The following RBFOX1 variants were observed in gnomAD, a reference collection of about 807,000 sequenced individuals.
RBFOX1 encodes RNA binding protein fox-1 homolog 1.
RBFOX1 carries 8 observed loss-of-function variants against 57.7 expected under a neutral mutation model. That is an observed-to-expected ratio of 0.14 (90% confidence interval 0.08 to 0.25). The LOEUF (loss-of-function observed/expected upper bound fraction) is 0.25. Among genes scored for constraint, RBFOX1 ranks in the 10% least tolerant of loss-of-function variants. RBFOX1 has a pLI of 1.00. For missense variants in RBFOX1, 611 were observed against 548.5 expected (o/e 1.11, Z -1.14); for synonymous variants, 326 against 222.4 (o/e 1.47, Z -4.15).
chr16:6,190,931 C>G (rs1030792753), intron 1 of RBFOX1, among the ~76,000 whole-genome samples: 3 of 152,018 alleles, frequency 2.0e-5, no homozygotes, highest in Non-Finnish European at 4.4e-5. Flanking sequence ...GACAACACGC[C>G]GGGGGCTCCA....
At chr16:7,532,297 G>A (rs2080295747) in intron 5 of RBFOX1, among the ~76,000 whole-genome samples, 1 of 152,070 alleles carries the variant, frequency 6.6e-6, no homozygotes, top group Admixed American at 6.5e-5. Context: ...TTCATCTGGT[G>A]GCTCCACAAA....
At chr16:7,397,748 C>T (rs1336888929) in intron 4 of RBFOX1, among the ~76,000 whole-genome samples, 1 of 152,136 alleles carries the variant, frequency 6.6e-6, no homozygotes, top group African/African-American at 2.4e-5. Context: ...AGTTTTGGCT[C>T]TTAGAGTTTA....
At chr16:7,443,993 C>G (rs2098789933) in intron 4 of RBFOX1, among the ~76,000 whole-genome samples, 3 of 152,306 alleles carry the variant, frequency 2.0e-5, no homozygotes, top group Non-Finnish European at 4.4e-5. Flanking sequence ...GAAACTTCCA[C>G]TTTGCCTATG....
chr16:6,280,792 C>T (rs1390208141), intron 1 of RBFOX1, among the ~76,000 whole-genome samples: 2 of 152,018 alleles, frequency 1.3e-5, no homozygotes, highest in East Asian at 2.0e-4. Flanking sequence ...CTACACTGAA[C>T]AGGGGCTTGC....
chr16:6,405,248 GT>G (rs1418179182), intron 2 of RBFOX1, among the ~76,000 whole-genome samples: 8 of 152,196 alleles, frequency 5.3e-5, no homozygotes, highest in Non-Finnish European at 8.8e-5. Flanking sequence ...GTTAGAGGGT[GT>G]TTTGAGATGG....
intron 3 of RBFOX1, among the ~76,000 whole-genome samples, chr16:5,856,334 A>G (rs1380569890): frequency 3.7e-5 from 1 of 27,266 alleles, no homozygotes; most frequent in Non-Finnish European, 9.1e-5. Context: ...AAACTGTTAT[A>G]TTATATATAT....
chr16:7,605,709 C>A (rs375104485), intron 9 of RBFOX1, among the ~76,000 whole-genome samples: 2 of 152,152 alleles, frequency 1.3e-5, no homozygotes, highest in African/African-American at 4.8e-5. Flanking sequence ...GTCAAAAATA[C>A]CTTCCTTCAC....
intron 2 of RBFOX1, among the ~76,000 whole-genome samples, chr16:6,566,428 AT>A (rs200042936): frequency 4.1e-4 from 61 of 149,928 alleles, no homozygotes; most frequent in Non-Finnish European, 7.0e-4. Context: ...CCTCCATTTG[AT>A]TTTTTTTTTC....
intron 2 of RBFOX1, among the ~76,000 whole-genome samples, chr16:5,547,791 A>C (rs1195844134): frequency 1.3e-5 from 2 of 152,200 alleles, no homozygotes; most frequent in African/African-American, 4.8e-5. Context: ...GAATTAATGC[A>C]GGAACAGAAA....
chr16:5,488,569 TGATGATGGTGATGATTGAA>T (rs1382096850), intron 2 of RBFOX1, among the ~76,000 whole-genome samples: 5 of 29,680 alleles, frequency 1.7e-4, no homozygotes, highest in African/African-American at 2.9e-4. Flanking sequence ...AGGATTATGG[TGATGATGGTGATGATTGAA>T]GATGATGGTG....
At chr16:5,864,470 C>G (rs1421537334) in intron 3 of RBFOX1, among the ~76,000 whole-genome samples, 1 of 151,624 alleles carries the variant, frequency 6.6e-6, no homozygotes, top group East Asian at 1.9e-4. Context: ...TTTGATGTAT[C>G]TCCTTTGATA....
intron 3 of RBFOX1, among the ~76,000 whole-genome samples, chr16:6,806,584 T>C (rs11866177): frequency 6.6e-6 from 1 of 151,894 alleles, no homozygotes; most frequent in Non-Finnish European, 1.5e-5. Flanking sequence ...CCTGAACTAG[T>C]TCCCAGCAAA....
At chr16:7,416,450 G>A in intron 4 of RBFOX1, among the ~76,000 whole-genome samples, 1 of 152,168 alleles carries the variant, frequency 6.6e-6, no homozygotes. Flanking sequence ...TCTGCTGATT[G>A]TTAGAGGGAG....
chr16:7,412,818 G>A (rs999889190), intron 4 of RBFOX1, among the ~76,000 whole-genome samples: 12 of 152,110 alleles, frequency 7.9e-5, no homozygotes, highest in African/African-American at 2.2e-4. Flanking sequence ...CGAGGCAGGC[G>A]GACTGCGAGG....
intron 4 of RBFOX1, among the ~76,000 whole-genome samples, chr16:7,165,902 C>G (rs1392109594): frequency 6.6e-6 from 1 of 150,442 alleles, no homozygotes; most frequent in Non-Finnish European, 1.5e-5. Flanking sequence ...GATTCTCTGT[C>G]TCTTGCCCCC....
chr16:5,670,594 A>G (rs1424067001), intron 3 of RBFOX1, among the ~76,000 whole-genome samples: 3 of 152,204 alleles, frequency 2.0e-5, no homozygotes, highest in Non-Finnish European at 4.4e-5. Flanking sequence ...TGTAAAAGAG[A>G]CAACTGTCAC....
At chr16:6,708,100 G>A (rs191600802) in intron 3 of RBFOX1, among the ~76,000 whole-genome samples, 3 of 152,184 alleles carry the variant, frequency 2.0e-5, no homozygotes, top group African/African-American at 4.8e-5. Context: ...ACAGTGAACA[G>A]TTGGCATCTT....
At chr16:7,226,536 A>G (rs981782330) in intron 4 of RBFOX1, among the ~76,000 whole-genome samples, 1 of 152,244 alleles carries the variant, frequency 6.6e-6, no homozygotes, top group African/African-American at 2.4e-5. Context: ...GTCTGCCGTA[A>G]CAAATTCTCT....
intron 1 of RBFOX1, among the ~76,000 whole-genome samples, chr16:6,273,492 A>G (rs140042730): frequency 0.012 from 1,762 of 151,528 alleles, 21 homozygotes; most frequent in Middle Eastern, 0.044. Flanking sequence ...TTACAGGTAC[A>G]TGTCACCATG....
Sources: allele counts gnomAD v4.1 joint callset (sites outside exome capture counted in the v4.1 genomes callset), GRCh38; gene constraint gnomAD v4.1.1; transcripts MANE v1.5; gene names NCBI Gene and HGNC (gene_info 2026-07-23, HGNC 2026-07-21).